Variants in PLCH1 observed in about 807,000 individuals in gnomAD.
PLCH1 encodes the protein 1-phosphatidylinositol 4,5-bisphosphate phosphodiesterase eta-1.
PLCH1 carries 60 observed loss-of-function variants against 126.7 expected under a neutral mutation model. That is an observed-to-expected ratio of 0.47 (90% confidence interval 0.38 to 0.59). The LOEUF (loss-of-function observed/expected upper bound fraction) is 0.59, where lower values mean the gene tolerates loss of function less well. Among genes scored for constraint, PLCH1 ranks in the 20% least tolerant of loss-of-function variants. The pLI is 0.00. For missense variants in PLCH1, 1,723 were observed against 2,040.0 expected (o/e 0.84, Z 2.99); for synonymous variants, 719 against 734.9 (o/e 0.98, Z 0.35).
intron 21 of PLCH1, among the ~76,000 whole-genome samples, chr3:155,486,406 C>T (rs1715105239): frequency 6.6e-6 from 1 of 151,072 alleles, no homozygotes; most frequent in South Asian, 2.1e-4. Context: ...CCGAACACAT[C>T]TTGAAAGGAA....
chr3:155,674,664 A>G (rs1281427731), intron 2 of PLCH1, among the ~76,000 whole-genome samples: 1 of 152,180 alleles, frequency 6.6e-6, no homozygotes, highest in African/African-American at 2.4e-5. Context: ...TATTTGCTCA[A>G]TGAAAAATCT....
downstream of PLCH1, among the ~76,000 whole-genome samples, chr3:155,475,824 A>G (rs181310261): frequency 6.6e-6 from 1 of 152,118 alleles, no homozygotes; most frequent in Admixed American, 6.5e-5. Flanking sequence ...GTAATAAAAA[A>G]GTCTCTCAGT....
intron 2 of PLCH1, among the ~76,000 whole-genome samples, chr3:155,689,268 C>T (rs1441908355): frequency 6.6e-6 from 1 of 152,054 alleles, no homozygotes; most frequent in East Asian, 1.9e-4. Context: ...ACTTGGGACC[C>T]AAGTCTCTTT....
chr3:155,550,744 C>T (rs924692900), intron 9 of PLCH1, among the ~76,000 whole-genome samples: 1 of 152,102 alleles, frequency 6.6e-6, no homozygotes, highest in South Asian at 2.1e-4. Flanking sequence ...TCTAGTTTTC[C>T]GTTACATGTC....
chr3:155,603,163 T>C (rs1733957849), intron 2 of PLCH1, among the ~76,000 whole-genome samples: 1 of 152,060 alleles, frequency 6.6e-6, no homozygotes, highest in Admixed American at 6.6e-5. Context: ...AAAAAAAAAG[T>C]CCAGGTCCTT....
chr3:155,488,113 A>G lies in PLCH1; in HGVS notation c.2540-6T>C. 6.3e-7 allele frequency: 1 copy of G among 1,590,232 alleles called. No individual in the cohort carries two copies. Among genetic ancestry groups the G allele is most frequent in the Non-Finnish European group, 8.6e-7 (1 of 1,158,176 alleles). On this transcript the variant is annotated splice_region_variant and splice_polypyrimidine_tract_variant and intron_variant, in intron 20 of 22. Transcript: ENST00000460012. ...CAAATAGACATGCCGGTAGCCTGAT[A>G]AAAGGAAAGAGAGTCGTTTCTTTTT...
intron 2 of PLCH1, among the ~76,000 whole-genome samples, chr3:155,689,148 A>C (rs1745181358): frequency 6.6e-6 from 1 of 152,222 alleles, no homozygotes; most frequent in Admixed American, 6.5e-5. Flanking sequence ...GGGAAAAGTA[A>C]GGGAAAAAGA....
intron 2 of PLCH1, among the ~76,000 whole-genome samples, chr3:155,688,932 C>T (rs982928959): frequency 6.6e-6 from 1 of 152,214 alleles, no homozygotes; most frequent in Non-Finnish European, 1.5e-5. Flanking sequence ...CCCTGGCTCC[C>T]AGACAGCATC....
chr3:155,483,313 G>A, intron 22 of PLCH1: 1 of 1,434,772 alleles, frequency 7.0e-7, no homozygotes, highest in Non-Finnish European at 9.5e-7. Flanking sequence ...TCAAAAAAAT[G>A]TCAATGAGTT....
intron 10 of PLCH1, among the ~76,000 whole-genome samples, chr3:155,541,042 G>A (rs561637048): frequency 1.4e-4 from 21 of 152,192 alleles, no homozygotes; most frequent in East Asian, 7.7e-4. Flanking sequence ...TATATACACC[G>A]TGGAATACTA....
intron 10 of PLCH1, among the ~76,000 whole-genome samples, chr3:155,543,172 C>A (rs1305293577): frequency 6.6e-6 from 1 of 152,114 alleles, no homozygotes; most frequent in Non-Finnish European, 1.5e-5. Context: ...ACTAGAAGAA[C>A]CAATACAGAG....
chr3:155,589,542 G>A (rs1297947551), intron 4 of PLCH1, among the ~76,000 whole-genome samples: 1 of 152,066 alleles, frequency 6.6e-6, no homozygotes, highest in Non-Finnish European at 1.5e-5. Context: ...TTTGACGGGG[G>A]AAGAATAAGG....
At chr3:155,458,540 GAA>G (rs1332581156) in intron 21 of PLCH1, among the ~76,000 whole-genome samples, 1 of 134,328 alleles carries the variant, frequency 7.4e-6, no homozygotes, top group African/African-American at 3.1e-5. Context: ...GAAAGAAAAA[GAA>G]AAAGAAAGAA....
intron 2 of PLCH1, among the ~76,000 whole-genome samples, chr3:155,660,856 G>T (rs1479497347): frequency 6.6e-6 from 1 of 152,176 alleles, no homozygotes; most frequent in Non-Finnish European, 1.5e-5. Flanking sequence ...CCCCTAGAGT[G>T]ACTTCATAGG....
intron 4 of PLCH1, among the ~76,000 whole-genome samples, chr3:155,586,472 T>C (rs1407588893): frequency 6.6e-6 from 1 of 152,178 alleles, no homozygotes; most frequent in Non-Finnish European, 1.5e-5. Context: ...TTTGTGAGGC[T>C]GAGGCAGGTG....
chr3:155,717,662 G>A (rs976320338), intron 1 of PLCH1, among the ~76,000 whole-genome samples: 2 of 152,246 alleles, frequency 1.3e-5, no homozygotes, highest in African/African-American at 4.8e-5. Flanking sequence ...AGGGGGCAGT[G>A]TCCCAAGACT....
At chr3:155,571,611 T>A (rs1370293531) in intron 6 of PLCH1, among the ~76,000 whole-genome samples, 1 of 152,122 alleles carries the variant, frequency 6.6e-6, no homozygotes, top group Non-Finnish European at 1.5e-5. Flanking sequence ...GTTGGCCAGG[T>A]TGGTCTCGAA....
intron 9 of PLCH1, among the ~76,000 whole-genome samples, chr3:155,550,832 A>AT (rs1483649864): frequency 1.3e-5 from 2 of 152,218 alleles, no homozygotes; most frequent in African/African-American, 4.8e-5. Context: ...TAATATATCA[A>AT]TGTGCAGAAA....
chr3:155,594,040 T>C lies in PLCH1; in HGVS notation c.371A>G (p.Asn124Ser). 1.2e-6 allele frequency: 2 copies of C among 1,613,680 alleles called. No individual in the cohort carries two copies. Among genetic ancestry groups the C allele is most frequent in the Non-Finnish European group, 1.7e-6 (2 of 1,179,928 alleles). Reference protein sequence around the residue: ...HMESLDLITSNPEEARTWITG... With the variant: ...HMESLDLITSSPEEARTWITG... ...GATCCAGGTGCGGGCCTCCTCGGGG[T>C]TGGAGGTGATGAGGTCCAGGGACTC... Residue 124 changes from asparagine (N) to serine (S), a missense_variant, in exon 4 of 23, where the codon AAC becomes AGC. Physicochemically the swap from Asn to Ser is conservative, Grantham distance 46. This residue lies in a region of PLCH1 where 776 missense variants were observed against 1,062.9 expected (regional missense o/e 0.73). Coordinates refer to ENST00000460012, the MANE Select transcript of PLCH1 (RefSeq NM_014996.4).
Sources: allele counts gnomAD v4.1 joint callset (sites outside exome capture counted in the v4.1 genomes callset), GRCh38; gene constraint gnomAD v4.1.1; regional missense constraint gnomAD v4.1.1; transcripts MANE v1.5; gene names NCBI Gene and HGNC (gene_info 2026-07-23, HGNC 2026-07-21).